Variants in BMAL2 observed in about 807,000 individuals in gnomAD.
BMAL2 encodes basic helix-loop-helix ARNT-like protein 2.
At chr12:27,352,454 A>ACAT in the BMAL2 span, among the ~76,000 whole-genome samples, 1 of 152,204 alleles carries the variant, frequency 6.6e-6, no homozygotes, top group Non-Finnish European at 1.5e-5. Context: ...CCCTCAGCCA[A>ACAT]CATCATACTG....
the BMAL2 span, among the ~76,000 whole-genome samples, chr12:27,340,843 C>T: frequency 3.9e-5 from 6 of 151,946 alleles, no homozygotes; most frequent in African/African-American, 1.5e-4. Context: ...AACTGTATTC[C>T]TATGTATTTT....
At chr12:27,420,333 T>G in the BMAL2 span, 1 of 1,582,254 alleles carries the variant, frequency 6.3e-7, no homozygotes, top group Non-Finnish European at 8.6e-7. Context: ...AACCTCAAAA[T>G]GTGTGAAATG....
chr12:27,383,532 C>A, the BMAL2 span, among the ~76,000 whole-genome samples: 1 of 152,156 alleles, frequency 6.6e-6, no homozygotes. Context: ...TTCTCTCGAG[C>A]ACATCCCCAC....
chr12:27,376,523 G>A, the BMAL2 span: 1 of 669,194 alleles, frequency 1.5e-6, no homozygotes, highest in Non-Finnish European at 2.4e-6. Flanking sequence ...GCTCTGAGAA[G>A]CAATGTTATC....
the BMAL2 span, among the ~76,000 whole-genome samples, chr12:27,399,321 A>G: frequency 6.6e-6 from 1 of 152,116 alleles, no homozygotes; most frequent in East Asian, 1.9e-4. Context: ...GGCAACTCCT[A>G]TTTGAACATC....
At chr12:27,373,727 G>A in the BMAL2 span, among the ~76,000 whole-genome samples, 2 of 152,180 alleles carry the variant, frequency 1.3e-5, no homozygotes, top group Admixed American at 6.5e-5. Context: ...TTGCATCTGC[G>A]TCTAACTTTG....
chr12:27,399,217 T>G, the BMAL2 span, among the ~76,000 whole-genome samples: 2 of 152,244 alleles, frequency 1.3e-5, no homozygotes, highest in Non-Finnish European at 2.9e-5. Flanking sequence ...CACTGCAGCA[T>G]ATGCTTCAGC....
chr12:27,384,092 T>C, the BMAL2 span, among the ~76,000 whole-genome samples: 1 of 152,170 alleles, frequency 6.6e-6, no homozygotes, highest in African/African-American at 2.4e-5. Context: ...GTCAAGAAGG[T>C]TGGGGAATAT....
the BMAL2 span, among the ~76,000 whole-genome samples, chr12:27,343,605 G>A: frequency 5.3e-5 from 8 of 152,148 alleles, no homozygotes; most frequent in East Asian, 3.9e-4. Context: ...ATCTAAATAC[G>A]TTTTTGTGCC....
chr12:27,393,806 G>T, the BMAL2 span, among the ~76,000 whole-genome samples: 1 of 152,212 alleles, frequency 6.6e-6, no homozygotes, highest in African/African-American at 2.4e-5. Flanking sequence ...TGGACCTTAT[G>T]TGAGATGGCC....
the BMAL2 span, chr12:27,389,860 T>G: frequency 1.3e-3 from 468 of 360,004 alleles, no homozygotes; most frequent in Non-Finnish European, 1.9e-3. Flanking sequence ...CTTCCCCATT[T>G]GAGGAAAAAA....
At chr12:27,347,354 C>T in the BMAL2 span, among the ~76,000 whole-genome samples, 3 of 152,082 alleles carry the variant, frequency 2.0e-5, no homozygotes, top group African/African-American at 7.2e-5. Flanking sequence ...CTTCATTTGC[C>T]CATACCACCA....
the BMAL2 span, among the ~76,000 whole-genome samples, chr12:27,375,066 T>C: frequency 2.0e-5 from 3 of 152,196 alleles, no homozygotes; most frequent in African/African-American, 7.2e-5. Flanking sequence ...AGAAAAATAC[T>C]AAAACCTCAA....
the BMAL2 span, among the ~76,000 whole-genome samples, chr12:27,383,735 C>T: frequency 2.6e-5 from 4 of 152,210 alleles, no homozygotes; most frequent in Non-Finnish European, 5.9e-5. Context: ...CCTTCCTCAG[C>T]TCCCTCCCAA....
the BMAL2 span, among the ~76,000 whole-genome samples, chr12:27,407,027 C>A: frequency 1.3e-5 from 2 of 152,174 alleles, no homozygotes; most frequent in Non-Finnish European, 2.9e-5. Flanking sequence ...GGGATCAATT[C>A]AACAAGAAGA....
chr12:27,359,146 T>C, the BMAL2 span, among the ~76,000 whole-genome samples: 111 of 152,292 alleles, frequency 7.3e-4, no homozygotes, highest in South Asian at 0.021. Flanking sequence ...ATCAAGTGTC[T>C]TTTTTCTTCT....
the BMAL2 span, among the ~76,000 whole-genome samples, chr12:27,406,023 TGAGAA>T: frequency 1.3e-5 from 2 of 152,046 alleles, no homozygotes; most frequent in Non-Finnish European, 2.9e-5. Context: ...TGAAATGAAG[TGAGAA>T]GAGACGTTTA....
the BMAL2 span, among the ~76,000 whole-genome samples, chr12:27,357,827 T>A: frequency 1.3e-5 from 2 of 152,188 alleles, no homozygotes; most frequent in East Asian, 3.9e-4. Context: ...AGAATGAAAC[T>A]GGATTTTCAT....
At chr12:27,380,334 C>G in the BMAL2 span, 1 of 1,614,132 alleles carries the variant, frequency 6.2e-7, no homozygotes, top group Non-Finnish European at 8.5e-7. Context: ...CTCAGTGCAA[C>G]CCCATGGCGC....
Sources: gnomAD v4.1 joint callset for allele counts (sites outside exome capture counted in the v4.1 genomes callset) on GRCh38, gnomAD v4.1.1 for gene constraint, MANE v1.5 for transcripts, NCBI Gene and HGNC (gene_info 2026-07-23, HGNC 2026-07-21) for gene names.